Variants in GPR141 observed in about 807,000 individuals in gnomAD.
GPR141 encodes the protein probable G protein-coupled receptor 141.
GPR141 carries 6 observed loss-of-function variants against 6.8 expected under a neutral mutation model. The observed-to-expected ratio is 0.88, with a 90% confidence interval of 0.48 to 1.74. The LOEUF (loss-of-function observed/expected upper bound fraction) is 1.74, where lower values mean the gene tolerates loss of function less well. Among genes scored for constraint, GPR141 ranks in the 40% most tolerant of loss-of-function variants. GPR141 has a pLI of 0.01. For missense variants in GPR141, 372 were observed against 372.9 expected, an observed-to-expected ratio of 1.00 and a Z score of 0.02; for synonymous variants, 140 against 142.3, an observed-to-expected ratio of 0.98 and a Z score of 0.11.
At chr7:37,735,822 A>G (rs1037180708) in intron 2 of GPR141, among the ~76,000 whole-genome samples, 4 of 152,232 alleles carry the variant, frequency 2.6e-5, no homozygotes, top group African/African-American at 9.6e-5. Context: ...AGGTGAAGAA[A>G]ATGAAATAGA....
intron 2 of GPR141, among the ~76,000 whole-genome samples, chr7:37,688,132 C>G (rs1023953365): frequency 6.6e-6 from 1 of 152,076 alleles, no homozygotes; most frequent in Non-Finnish European, 1.5e-5. Flanking sequence ...TTCGTGTCAA[C>G]TTTTAAAAAC....
chr7:37,706,200 A>G (rs1243853964), intron 2 of GPR141, among the ~76,000 whole-genome samples: 2 of 152,138 alleles, frequency 1.3e-5, no homozygotes, highest in African/African-American at 4.8e-5. Context: ...AACAGCTCTT[A>G]TTATTCATGG....
At chr7:37,719,222 G>A (rs1811197449) in intron 2 of GPR141, among the ~76,000 whole-genome samples, 1 of 152,180 alleles carries the variant, frequency 6.6e-6, no homozygotes, top group South Asian at 2.1e-4. Context: ...AGACAGTTGT[G>A]TTGATTGAGC....
chr7:37,726,536 A>T (rs1040067796), intron 2 of GPR141, among the ~76,000 whole-genome samples: 1 of 152,240 alleles, frequency 6.6e-6, no homozygotes, highest in Non-Finnish European at 1.5e-5. Context: ...TTACAATGTT[A>T]GAAGAATGAT....
At chr7:37,713,747 A>G (rs956111443) in intron 2 of GPR141, among the ~76,000 whole-genome samples, 1 of 152,188 alleles carries the variant, frequency 6.6e-6, no homozygotes, top group Admixed American at 6.5e-5. Flanking sequence ...CATCAGTTAT[A>G]TATTTACGTG....
intron 2 of GPR141, among the ~76,000 whole-genome samples, chr7:37,701,261 C>G (rs718678): frequency 1.3e-5 from 2 of 151,826 alleles, no homozygotes; most frequent in Admixed American, 1.3e-4. Flanking sequence ...CATTCATTTA[C>G]GAAAATAGTA....
Position 37,740,340 on chromosome 7 carries a change from T to C in GPR141, c.-14-40T>C, listed in dbSNP as rs1330118086. On this transcript the variant is annotated intron_variant, in intron 2 of 2. Coordinates refer to ENST00000334425, the MANE Select transcript of GPR141 (RefSeq NM_001381946.1). ...TGTAAAAGAGATAGGAACAAAGCTC[T>C]GAAAGCTTGTCAGTTACTCTGGTGC... The C allele has an allele frequency of 1.7e-5, 22 of 1,313,404 alleles. No homozygotes were observed. In the Admixed American group the frequency reaches 4.3e-4, roughly 25 times the overall value. The allele number at this position is 1,313,404 out of a possible 1,614,324, so 81.4% of individuals were successfully genotyped here.
At chr7:37,699,168 G>T (rs1810159893) in intron 2 of GPR141, among the ~76,000 whole-genome samples, 1 of 152,070 alleles carries the variant, frequency 6.6e-6, no homozygotes, top group Admixed American at 6.5e-5. Context: ...TTTCTATGAA[G>T]AATCAGATAG....
intron 2 of GPR141, among the ~76,000 whole-genome samples, chr7:37,732,925 G>A (rs1056130088): frequency 9.9e-5 from 15 of 152,182 alleles, no homozygotes; most frequent in South Asian, 8.3e-4. Flanking sequence ...ATATATGGGG[G>A]AGCTGAGACA....
At chr7:37,731,484 C>A (rs1045125487) in intron 2 of GPR141, among the ~76,000 whole-genome samples, 1 of 152,246 alleles carries the variant, frequency 6.6e-6, no homozygotes, top group Non-Finnish European at 1.5e-5. Context: ...TACTCTGTCG[C>A]CCAGGCTGGA....
At chr7:37,730,461 A>C (rs1340501882) in intron 2 of GPR141, among the ~76,000 whole-genome samples, 1 of 152,218 alleles carries the variant, frequency 6.6e-6, no homozygotes, top group African/African-American at 2.4e-5. Flanking sequence ...TAAGAAATCT[A>C]AACATATATC....
At chr7:37,708,520 G>C (rs1473430712) in intron 2 of GPR141, among the ~76,000 whole-genome samples, 2 of 151,998 alleles carry the variant, frequency 1.3e-5, no homozygotes, top group African/African-American at 4.8e-5. Flanking sequence ...TATAAGACCT[G>C]GGAAAAATGA....
At chr7:37,710,756 A>G (rs1810758733) in intron 2 of GPR141, among the ~76,000 whole-genome samples, 1 of 152,236 alleles carries the variant, frequency 6.6e-6, no homozygotes, top group African/African-American at 2.4e-5. Flanking sequence ...ATTTCTGGAC[A>G]GAGCTAGAAA....
chr7:37,700,467 T>C (rs925243253), intron 2 of GPR141, among the ~76,000 whole-genome samples: 2 of 152,126 alleles, frequency 1.3e-5, no homozygotes, highest in African/African-American at 4.8e-5. Context: ...TGTAGCTTGA[T>C]GGTAGAAAGA....
In GPR141 at chr7:37,733,493, G is replaced by C. The variant is rs142574967; in HGVS notation, c.-14-6887G>C. The stretch of plus-strand genomic sequence containing the variant: ...TCAAGAAGAGCCTGGACAAAATGGT[G>C]AAACTCCGTCTCTACTATAATACAA... On this transcript the variant is annotated intron_variant, in intron 2 of 2. Coordinates refer to ENST00000334425, the MANE Select transcript of GPR141 (RefSeq NM_001381946.1). Among the ~76,000 whole-genome samples the C allele has an allele frequency of 2.4e-3, 362 of 152,064 alleles. 1 individual carries two copies. The highest frequency in any genetic ancestry group is 8.4e-3 in the African/African-American group (347 of 41,480).
At chr7:37,690,235 T>C (rs1809694712) in intron 2 of GPR141, among the ~76,000 whole-genome samples, 1 of 152,220 alleles carries the variant, frequency 6.6e-6, no homozygotes, top group Non-Finnish European at 1.5e-5. Flanking sequence ...TTTGAACATT[T>C]CTCTTGTAAT....
At chr7:37,711,672 G>A (rs1450182) in intron 2 of GPR141, among the ~76,000 whole-genome samples, 7,547 of 152,218 alleles carry the variant, frequency 0.05, 626 homozygotes, top group African/African-American at 0.17. Context: ...ACACTGCTAG[G>A]TATCTTTATG....
At chr7:37,735,410 T>C (rs1049946866) in intron 2 of GPR141, among the ~76,000 whole-genome samples, 3 of 152,314 alleles carry the variant, frequency 2.0e-5, no homozygotes, top group Non-Finnish European at 4.4e-5. Flanking sequence ...AGCAAAGATG[T>C]CAGCAGTTTT....
intron 2 of GPR141, among the ~76,000 whole-genome samples, chr7:37,736,068 G>T (rs1459992991): frequency 6.6e-6 from 1 of 152,082 alleles, no homozygotes; most frequent in Non-Finnish European, 1.5e-5. Flanking sequence ...AGACCAGACG[G>T]ACCAACATGG....
Sources: gnomAD v4.1 joint callset for allele counts (sites outside exome capture counted in the v4.1 genomes callset) on GRCh38, gnomAD v4.1.1 for gene constraint, MANE v1.5 for transcripts, NCBI Gene and HGNC (gene_info 2026-07-23, HGNC 2026-07-21) for gene names.